The following CACUL1 variants were observed in gnomAD, a reference collection of about 807,000 sequenced individuals.
CACUL1 encodes CDK2-associated and cullin domain-containing protein 1.
Under a neutral mutation model 45.2 loss-of-function variants are expected in CACUL1, and 13 were observed. The ratio of observed to expected loss-of-function variants is 0.29; its 90% CI spans 0.19 to 0.46. The LOEUF (loss-of-function observed/expected upper bound fraction) is 0.46, where lower values mean the gene tolerates loss of function less well. CACUL1 is among the 20% of genes least tolerant of loss of function. The probability of loss-of-function intolerance (pLI) is 1.00; values close to 1 mark genes in which losing one functional copy is unlikely to be tolerated. For missense variants in CACUL1, 421 were observed against 471.4 expected (o/e 0.89, Z 0.99); for synonymous variants, 197 against 174.2 (o/e 1.13, Z -1.03).
intron 7 of CACUL1, among the ~76,000 whole-genome samples, chr10:118,689,930 T>C (rs1398289238): frequency 6.6e-6 from 1 of 152,316 alleles, no homozygotes; most frequent in Non-Finnish European, 1.5e-5. Context: ...AACATGAATG[T>C]ATGAAAGTAT....
chr10:118,750,047 C>A (rs866010146), intron 1 of CACUL1, among the ~76,000 whole-genome samples: 2 of 152,338 alleles, frequency 1.3e-5, no homozygotes, highest in East Asian at 3.9e-4. Context: ...GAAAGGAGGG[C>A]CGGGCGTGGT....
rs1421791022 is a variant in CACUL1 at position 118,685,222 on chromosome 10, A to G, written c.*906T>C. 1 of 128,674 alleles carries G rather than the reference A, an allele frequency of 7.8e-6. No homozygotes were observed. The highest frequency in any genetic ancestry group is 2.8e-5 in the African/African-American group (1 of 35,648). The allele number at this position is 128,674 out of a possible 1,614,324, so 8.0% of individuals were successfully genotyped here. ...TAATACTAAGGGAAGCTTCCGTGCT[A>G]AAGTACCGCCCATCCCTAAACTAGA... is the stretch of plus-strand genomic sequence containing the variant. On this transcript the variant is annotated 3_prime_UTR_variant, in exon 9 of 9. Coordinates refer to ENST00000369151, the MANE Select transcript of CACUL1 (RefSeq NM_153810.5).
In CACUL1 at chr10:118,682,411, A is replaced by G. The variant is rs2119531221; in HGVS notation, c.*3717T>C. 1 of 152,520 alleles carries G rather than the reference A, an allele frequency of 6.6e-6. No individual in the cohort carries two copies. Among genetic ancestry groups the G allele is most frequent in the East Asian group, 1.9e-4 (1 of 5,190 alleles). 9.4% of individuals were successfully genotyped at this position (152,520 alleles called of 1,614,324 possible). Reference sequence around the variant, plus strand: ...GCTATAAAACGGGAAAAAAAGTAGAAGAAAATAAAGCCAGCCTCAATAATA... The same window carrying G: ...GCTATAAAACGGGAAAAAAAGTAGAGGAAAATAAAGCCAGCCTCAATAATA... On this transcript the variant is annotated 3_prime_UTR_variant, in exon 9 of 9. Coordinates refer to ENST00000369151, the MANE Select transcript of CACUL1 (RefSeq NM_153810.5).
Position 118,682,895 on chromosome 10 carries a change from A to G in CACUL1, c.*3233T>C, listed in dbSNP as rs1372260679. The G allele has an allele frequency of 6.6e-6, 1 of 152,310 alleles. No individual in the cohort carries two copies. Among genetic ancestry groups the G allele is most frequent in the Admixed American group, 6.5e-5 (1 of 15,282 alleles). The allele number at this position is 152,310 out of a possible 1,614,324, so 9.4% of individuals were successfully genotyped here. ...TAATTGCTGCAAATTTGTTAAAGGG[A>G]CAGAAGAAAAAGTAGCTTGTCTACA... On this transcript the variant is annotated 3_prime_UTR_variant, in exon 9 of 9. Transcript: ENST00000369151.
At chr10:118,695,017 C>G in intron 6 of CACUL1, 124 bp downstream of exon 6, 1 of 649,696 alleles carries the variant, frequency 1.5e-6, no homozygotes, top group South Asian at 1.7e-5. Flanking sequence ...AGTATCTACT[C>G]AATTTTTTTG....
At chr10:118,746,798 T>C (rs1260709142) in intron 1 of CACUL1, among the ~76,000 whole-genome samples, 1 of 152,126 alleles carries the variant, frequency 6.6e-6, no homozygotes, top group African/African-American at 2.4e-5. Flanking sequence ...ACAAACAAAA[T>C]TATAAGGCAA....
chr10:118,701,186 T>C (rs1845376134), intron 5 of CACUL1, 120 bp downstream of exon 5: 1 of 514,290 alleles, frequency 1.9e-6, no homozygotes, highest in African/African-American at 1.9e-5. Flanking sequence ...CACTTCCTGC[T>C]ATCTGGTTCA....
At position 118,754,956 on chromosome 10, in the gene CACUL1, G is replaced by A. The variant is rs1845943682; in HGVS notation, c.-194C>T. On this transcript the variant is annotated 5_prime_UTR_variant, in exon 1 of 9. Transcript: ENST00000369151. Reference sequence around the variant, plus strand: ...TTGAAGACGCGGCTGACGGCGGTGGGCGCTCCGGGGCTCTAGTCTGGGAGA... The same window carrying A: ...TTGAAGACGCGGCTGACGGCGGTGGACGCTCCGGGGCTCTAGTCTGGGAGA... The A allele has an allele frequency of 1.6e-6, 1 of 631,558 alleles. No homozygotes were observed. The highest frequency in any genetic ancestry group is 2.6e-5 in the South Asian group (1 of 37,916). 39.1% of individuals were successfully genotyped at this position (631,558 alleles called of 1,614,324 possible).
At chr10:118,709,020 C>A (rs568753836) in intron 3 of CACUL1, among the ~76,000 whole-genome samples, 42 of 152,290 alleles carry the variant, frequency 2.8e-4, no homozygotes, top group African/African-American at 9.1e-4. Flanking sequence ...ACCAATATTG[C>A]CTACTGTTGA....
At chr10:118,708,147 C>CAATA (rs1845451238) in intron 3 of CACUL1, among the ~76,000 whole-genome samples, 1 of 104,028 alleles carries the variant, frequency 9.6e-6, no homozygotes, top group African/African-American at 3.8e-5. Flanking sequence ...AACACTGTCT[C>CAATA]AAAAAAAAAA....
chr10:118,740,172 A>C (rs892015716), intron 1 of CACUL1, among the ~76,000 whole-genome samples: 4 of 151,920 alleles, frequency 2.6e-5, no homozygotes, highest in Admixed American at 2.0e-4. Context: ...AAACAAAAAG[A>C]GTAAGTTCAA....
At chr10:118,703,582 C>G (rs1288939740) in intron 4 of CACUL1, among the ~76,000 whole-genome samples, 1 of 151,962 alleles carries the variant, frequency 6.6e-6, no homozygotes, top group African/African-American at 2.4e-5. Context: ...ATAATAAATT[C>G]CTAGAGATAC....
intron 1 of CACUL1, among the ~76,000 whole-genome samples, chr10:118,747,859 T>C (rs564665971): frequency 3.3e-5 from 5 of 152,182 alleles, no homozygotes; most frequent in South Asian, 2.1e-4. Context: ...CCAAGGCAGG[T>C]AGATCACTTG....
At chr10:118,753,725 T>C (rs1456254114) in intron 1 of CACUL1, among the ~76,000 whole-genome samples, 1 of 152,208 alleles carries the variant, frequency 6.6e-6, no homozygotes, top group African/African-American at 2.4e-5. Context: ...ACACAAGACA[T>C]AACCCATCCT....
At chr10:118,717,015 C>T (rs932284290) in intron 3 of CACUL1, among the ~76,000 whole-genome samples, 1 of 152,164 alleles carries the variant, frequency 6.6e-6, no homozygotes, top group Non-Finnish European at 1.5e-5. Context: ...TGCTTCTCTC[C>T]GAATCACCTG....
intron 5 of CACUL1, among the ~76,000 whole-genome samples, chr10:118,700,729 A>AAAAG (rs1845371451): frequency 6.6e-6 from 1 of 151,614 alleles, no homozygotes; most frequent in Non-Finnish European, 1.5e-5. Flanking sequence ...AAAAAAAAAA[A>AAAAG]AAAAAAGAAT....
intron 1 of CACUL1, among the ~76,000 whole-genome samples, chr10:118,739,003 G>C (rs888558651): frequency 1.3e-5 from 2 of 150,866 alleles, no homozygotes; most frequent in African/African-American, 4.9e-5. Context: ...AGAGTCTCCT[G>C]GCTAACACGG....
chr10:118,711,311 C>T (rs1415658607), intron 3 of CACUL1, among the ~76,000 whole-genome samples: 1 of 152,212 alleles, frequency 6.6e-6, no homozygotes, highest in Non-Finnish European at 1.5e-5. Context: ...AACTCCTGAC[C>T]TCAAGTGATC....
In CACUL1 at chr10:118,750,062, C is replaced by G. The variant is rs1170435804; in HGVS notation, c.367+4334G>C. On this transcript the variant is annotated intron_variant, in intron 1 of 8. Coordinates refer to ENST00000369151, the MANE Select transcript of CACUL1 (RefSeq NM_153810.5). ...GAAAGGAGGGCCGGGCGTGGTGGCT[C>G]ACGCCTGTAATCCCAGCACTTTGGG... 9.2e-5 allele frequency among the ~76,000 whole-genome samples: 14 copies of G among 152,252 alleles called. 1 individual carries two copies. The highest frequency in any genetic ancestry group is 9.2e-4 in the Admixed American group (14 of 15,286).
Sources: gnomAD v4.1 joint callset for allele counts (sites outside exome capture counted in the v4.1 genomes callset) on GRCh38, gnomAD v4.1.1 for gene constraint, MANE v1.5 for transcripts, NCBI Gene and HGNC (gene_info 2026-07-23, HGNC 2026-07-21) for gene names.